Variants in LDLRAD4 observed in about 807,000 individuals in gnomAD.
The protein encoded by LDLRAD4 is low-density lipoprotein receptor class A domain-containing protein 4.
LDLRAD4 carries 5 observed loss-of-function variants against 17.0 expected under a neutral mutation model. The observed-to-expected ratio is 0.29, with a 90% confidence interval of 0.15 to 0.62. The LOEUF (loss-of-function observed/expected upper bound fraction) is 0.62, where lower values mean the gene tolerates loss of function less well. Ranked by LOEUF, LDLRAD4 falls within the 20% of genes least tolerant of loss-of-function variation. LDLRAD4 has a pLI of 0.84. For missense variants in LDLRAD4, 340 were observed against 424.7 expected (o/e 0.80, Z 1.75); for synonymous variants, 168 against 171.8 (o/e 0.98, Z 0.17).
intron 2 of LDLRAD4, among the ~76,000 whole-genome samples, chr18:13,400,618 C>A (rs1374401459): frequency 6.6e-6 from 1 of 152,142 alleles, no homozygotes; most frequent in Admixed American, 6.5e-5. Context: ...GGAGAGGAAC[C>A]GGGGCAGTGA....
chr18:13,332,730 A>T, intron 1 of LDLRAD4, among the ~76,000 whole-genome samples: 1 of 142,692 alleles, frequency 7.0e-6, no homozygotes, highest in Non-Finnish European at 1.5e-5. Flanking sequence ...GTGGCTTGAT[A>T]GCTCATTTTT....
At chr18:13,617,958 C>A (rs1025966658) in intron 3 of LDLRAD4, among the ~76,000 whole-genome samples, 1 of 152,172 alleles carries the variant, frequency 6.6e-6, no homozygotes, top group Non-Finnish European at 1.5e-5. Context: ...TGCCCTGGGT[C>A]CAGAAATGTC....
intron 3 of LDLRAD4, among the ~76,000 whole-genome samples, chr18:13,607,797 A>ATAC (rs2095239155): frequency 6.6e-6 from 1 of 152,248 alleles, no homozygotes; most frequent in Non-Finnish European, 1.5e-5. Context: ...ATGGCTGCAT[A>ATAC]GTATTCCATG....
chr18:13,582,358 A>C (rs1162487342), intron 3 of LDLRAD4, among the ~76,000 whole-genome samples: 1 of 152,254 alleles, frequency 6.6e-6, no homozygotes, highest in African/African-American at 2.4e-5. Flanking sequence ...CCCAGGCCGC[A>C]GCATGGTAGC....
intron 3 of LDLRAD4, among the ~76,000 whole-genome samples, chr18:13,619,244 A>G (rs1191330548): frequency 6.6e-6 from 1 of 152,110 alleles, no homozygotes; most frequent in African/African-American, 2.4e-5. Flanking sequence ...TGAGAAACAC[A>G]GGGTCAAGGC....
intron 1 of LDLRAD4, among the ~76,000 whole-genome samples, chr18:13,238,591 A>G (rs2042454990): frequency 6.6e-6 from 1 of 152,108 alleles, no homozygotes; most frequent in Non-Finnish European, 1.5e-5. Flanking sequence ...CACAGAACTG[A>G]GGGGTGGTGT....
At chr18:13,321,861 CAAAAAAAAAAAAAAAAAAAAAAAAAAAAA>C (rs57033432) in intron 1 of LDLRAD4, among the ~76,000 whole-genome samples, 1 of 62,140 alleles carries the variant, frequency 1.6e-5, no homozygotes, top group Non-Finnish European at 2.8e-5. Flanking sequence ...GACTCCGTCT[CAAAAAAAAAAAAAAAAAAAAAAAAAAAAA>C]AAAAAAAAAA....
chr18:13,601,694 A>G (rs1296788444), intron 3 of LDLRAD4, among the ~76,000 whole-genome samples: 1 of 151,918 alleles, frequency 6.6e-6, no homozygotes, highest in Admixed American at 6.6e-5. Context: ...AAAAGGGAAC[A>G]CTTACACACT....
intron 3 of LDLRAD4, among the ~76,000 whole-genome samples, chr18:13,499,203 G>A (rs1002179023): frequency 2.1e-5 from 3 of 144,732 alleles, no homozygotes; most frequent in Non-Finnish European, 4.5e-5. Context: ...CACACATCCC[G>A]CTGTGGATAC....
intron 1 of LDLRAD4, among the ~76,000 whole-genome samples, chr18:13,253,023 G>A (rs1029165660): frequency 3.3e-5 from 5 of 152,322 alleles, no homozygotes; most frequent in Non-Finnish European, 5.9e-5. Context: ...GGGGTCCAGG[G>A]TGCAGGCCTG....
At chr18:13,599,399 C>G (rs1336139093) in intron 3 of LDLRAD4, among the ~76,000 whole-genome samples, 1 of 152,002 alleles carries the variant, frequency 6.6e-6, no homozygotes, top group Non-Finnish European at 1.5e-5. Flanking sequence ...AAAATGGTTA[C>G]TCTTTTACAT....
chr18:13,401,602 G>A (rs767614929), intron 2 of LDLRAD4, among the ~76,000 whole-genome samples: 6 of 152,172 alleles, frequency 3.9e-5, no homozygotes, highest in African/African-American at 1.2e-4. Flanking sequence ...AGGATGCCCC[G>A]TGCTCAGGTC....
chr18:13,538,236 T>A (rs1318939006), intron 3 of LDLRAD4, among the ~76,000 whole-genome samples: 1 of 152,226 alleles, frequency 6.6e-6, no homozygotes, highest in African/African-American at 2.4e-5. Context: ...TGTTTTTCTT[T>A]TTCTGATTTC....
chr18:13,286,721 G>A (rs1359032874), intron 1 of LDLRAD4, among the ~76,000 whole-genome samples: 1 of 152,204 alleles, frequency 6.6e-6, no homozygotes, highest in Non-Finnish European at 1.5e-5. Context: ...TGGTGGCTGA[G>A]GGTGGGAGTC....
At chr18:13,613,229 G>A (rs2039767987) in intron 3 of LDLRAD4, 1 of 154,352 alleles carries the variant, frequency 6.5e-6, no homozygotes, top group Admixed American at 6.4e-5. Context: ...TGTAGTGACA[G>A]GAGCTATTAG....
chr18:13,648,573 G>A (rs1568459350), exon 6 of LDLRAD4: 1 of 152,230 alleles, frequency 6.6e-6, no homozygotes, highest in Non-Finnish European at 1.5e-5. Flanking sequence ...GGCGTTGAAA[G>A]AGTAGCGACT....
intron 3 of LDLRAD4, among the ~76,000 whole-genome samples, chr18:13,556,190 T>G (rs904982599): frequency 6.6e-5 from 10 of 152,274 alleles, no homozygotes; most frequent in African/African-American, 2.4e-4. Flanking sequence ...ACTTGGAATT[T>G]CTGAGTCTAT....
At chr18:13,546,305 T>C (rs2094361787) in intron 3 of LDLRAD4, among the ~76,000 whole-genome samples, 1 of 152,054 alleles carries the variant, frequency 6.6e-6, no homozygotes, top group Admixed American at 6.5e-5. Context: ...TAACTGCTGC[T>C]CGGGAGTAAT....
In LDLRAD4 at chr18:13,642,392, C is replaced by T. The variant is rs527405314; in HGVS notation, c.337-967C>T. ...ACACTCTGGGCTGAAAAGGGTACCA[C>T]GCGTACTTTTTTTCCCAGCACGCGT... On this transcript the variant is annotated intron_variant, in intron 4 of 5. Transcript: ENST00000359446. 2.8e-6 allele frequency: 3 copies of T among 1,068,984 alleles called. No individual in the cohort carries two copies. In the East Asian group the frequency reaches 1.9e-4, roughly 69 times the overall value. The allele number at this position is 1,068,984 out of a possible 1,614,324, so 66.2% of individuals were successfully genotyped here. A position where few individuals can be genotyped will look rare whatever the true frequency, so the allele number is the denominator to read the frequency against.
Sources: gnomAD v4.1 joint callset for allele counts (sites outside exome capture counted in the v4.1 genomes callset) on GRCh38, gnomAD v4.1.1 for gene constraint, MANE v1.5 for transcripts, NCBI Gene and HGNC (gene_info 2026-07-23, HGNC 2026-07-21) for gene names.